The following SLC6A13 variants were observed in gnomAD, a reference collection of about 807,000 sequenced individuals.
The protein encoded by SLC6A13 is sodium- and chloride-dependent GABA transporter 2.
A neutral mutation model predicts 72.9 loss-of-function variants in SLC6A13; 69 were observed. The observed-to-expected ratio is 0.95, with a 90% confidence interval of 0.78 to 1.16. The LOEUF (loss-of-function observed/expected upper bound fraction) is 1.16, where lower values mean the gene tolerates loss of function less well. Among genes scored for constraint, SLC6A13 ranks in the 50% most tolerant of loss-of-function variants. The probability of loss-of-function intolerance (pLI) is 0.00; values close to 1 mark genes in which losing one functional copy is unlikely to be tolerated. For synonymous variants in SLC6A13, 303 were observed against 303.0 expected (o/e 1.00, Z 0.00); for missense variants, 735 against 760.5 (o/e 0.97, Z 0.39).
intron 7 of SLC6A13, among the ~76,000 whole-genome samples, chr12:229,477 T>A (rs74870301): frequency 0.018 from 2,761 of 152,314 alleles, 102 homozygotes; most frequent in South Asian, 0.17. Flanking sequence ...TTCTATCTCA[T>A]TCCTGCTTCA....
At chr12:242,500 C>T (rs1029287335) in intron 4 of SLC6A13, 114 bp downstream of exon 4, 6 of 834,760 alleles carry the variant, frequency 7.2e-6, no homozygotes, top group African/African-American at 1.7e-5. Flanking sequence ...TCTCCATGGT[C>T]GACTTGGGTG....
At position 223,146 on chromosome 12, in the gene SLC6A13, A is replaced by G; in HGVS notation, c.1400T>C (p.Val467Ala). Residue 467 changes from valine (V) to alanine (A), a missense_variant, in exon 12 of 15, where the codon GTG (valine) becomes GCG (alanine). Val to Ala is a moderately conservative substitution (Grantham distance 64, BLOSUM62 0). Transcript: ENST00000343164. ...LFVAIFESLC[V>A]AWVYGAKRFY... Reference sequence around the variant, plus strand: ...GAGTCACTCACCGTAAACCCAAGCCACACAGAGGGACTCGAAGATGGCCAC... The same window carrying G: ...GAGTCACTCACCGTAAACCCAAGCCGCACAGAGGGACTCGAAGATGGCCAC... 6.2e-7 allele frequency: 1 copy of G among 1,612,284 alleles called. No homozygotes were observed. Among genetic ancestry groups the G allele is most frequent in the Non-Finnish European group, 8.5e-7 (1 of 1,178,278 alleles).
At chr12:223,301 C>T in intron 11 of SLC6A13, 67 bp from the exon 12 acceptor site, 1 of 992,690 alleles carries the variant, frequency 1.0e-6, no homozygotes, top group Non-Finnish European at 1.5e-6. Flanking sequence ...CACTCCTATG[C>T]CCTTTAGCTT....
At chr12:230,602 G>A (rs1941669448) in intron 7 of SLC6A13, among the ~76,000 whole-genome samples, 1 of 152,094 alleles carries the variant, frequency 6.6e-6, no homozygotes, top group Non-Finnish European at 1.5e-5. Flanking sequence ...ATAATAAAAA[G>A]CAGCTCTTAA....
chr12:242,758 C>T lies in SLC6A13; in HGVS notation c.338-4G>A, dbSNP rs780217461. The T allele has an allele frequency of 4.9e-5, 77 of 1,574,944 alleles. No individual in the cohort carries two copies. The highest frequency in any genetic ancestry group is 1.5e-4 in the South Asian group (13 of 86,070). On this transcript the variant is annotated splice_region_variant and splice_polypyrimidine_tract_variant and intron_variant, in intron 3 of 14. Coordinates refer to ENST00000343164, the MANE Select transcript of SLC6A13 (RefSeq NM_016615.5). ...ATCTGGGAGGCATAGCCAATGCCTGCGGGGAAACTGCAGAATTGGGCTAGG... is the reference window on the plus strand; with the variant it reads ...ATCTGGGAGGCATAGCCAATGCCTGTGGGGAAACTGCAGAATTGGGCTAGG...
chr12:242,574 G>C (rs770981676), intron 4 of SLC6A13, 40 bp downstream of exon 4: 2 of 1,593,190 alleles, frequency 1.3e-6, no homozygotes, highest in Non-Finnish European at 1.7e-6. Context: ...TAATGTGGCA[G>C]AACGAGAGGA....
intron 7 of SLC6A13, among the ~76,000 whole-genome samples, chr12:231,600 C>G (rs1463446513): frequency 1.3e-5 from 2 of 152,198 alleles, no homozygotes; most frequent in Non-Finnish European, 2.9e-5. Context: ...CATCCCCCTC[C>G]CCACAGCCCC....
rs1190970285 is a variant in SLC6A13 at position 221,506 on chromosome 12, G to T, written c.1556C>A (p.Thr519Asn). The T allele has an allele frequency of 6.2e-7, 1 of 1,612,554 alleles. No homozygotes were observed. The highest frequency in any genetic ancestry group is 2.2e-5 in the East Asian group (1 of 44,836). ...LFSLIKYTPL[T>N]YNKKYTYPWW... The stretch of plus-strand genomic sequence containing the variant: ...CGGGTACGTGTACTTCTTGTTGTAG[G>T]TCAGCGGAGTGTACTTTATCAGGGA... The change falls in exon 14 of 15, where the codon ACC (threonine) becomes AAC (asparagine). Residue 519 changes from threonine to asparagine, a missense_variant. Coordinates refer to ENST00000343164, the MANE Select transcript of SLC6A13 (RefSeq NM_016615.5).
At chr12:240,975 G>C (rs183204145) in intron 4 of SLC6A13, among the ~76,000 whole-genome samples, 11 of 152,318 alleles carry the variant, frequency 7.2e-5, no homozygotes, top group Admixed American at 1.3e-4. Context: ...GGCAAGTAAA[G>C]GATTCAAACT....
chr12:257,470 T>A (rs1295828528), intron 2 of SLC6A13, among the ~76,000 whole-genome samples: 1 of 152,056 alleles, frequency 6.6e-6, no homozygotes, highest in East Asian at 1.9e-4. Flanking sequence ...GTAGGTAGTG[T>A]AAGGGTTAAA....
At position 227,469 on chromosome 12, in the gene SLC6A13, G is replaced by A. The variant is rs999257212; in HGVS notation, c.935+96C>T. The A allele has an allele frequency of 3.8e-6, 6 of 1,566,880 alleles. No homozygotes were observed. In the East Asian group the frequency reaches 1.2e-4, roughly 31 times the overall value. ...GGTGTAGACAGGGGGGCAGATCCAG[G>A]AGCTGATGCACCCTCCAACTCACCC... On this transcript the variant is annotated intron_variant, in intron 8 of 14. Coordinates refer to ENST00000343164, the MANE Select transcript of SLC6A13 (RefSeq NM_016615.5).
At chr12:262,546 C>T (rs937539641) in intron 1 of SLC6A13, 3 of 218,438 alleles carry the variant, frequency 1.4e-5, no homozygotes, top group Non-Finnish European at 1.6e-5. Context: ...ATCCAGTTGT[C>T]TTTCCTCTCA....
rs114094357 is a variant in SLC6A13, at chr12:242,577, C to T, written c.478+37G>A. 15,216 of 1,593,672 alleles carry T rather than the reference C, an allele frequency of 9.5e-3. 357 individuals carry two copies. The highest frequency in any genetic ancestry group is 0.094 in the African/African-American group (7,022 of 74,538). On this transcript the variant is annotated intron_variant, in intron 4 of 14. Transcript: ENST00000343164. ...CCCAATTCCGGTTAATGTGGCAGAA[C>T]GAGAGGAGGAAGTGGACCCTTGGGT...
Position 220,871 on chromosome 12 carries a change from T to C in SLC6A13, c.*77A>G. On this transcript the variant is annotated 3_prime_UTR_variant, in exon 15 of 15. Coordinates refer to ENST00000343164, the MANE Select transcript of SLC6A13 (RefSeq NM_016615.5). ...TCCAGGTCGGGGGCAGGGAAGCACA[T>C]GGGGCTGCTTCTGCCACGTTCCCTC... 1.9e-6 allele frequency: 3 copies of C among 1,570,770 alleles called. No homozygotes were observed. Among genetic ancestry groups the C allele is most frequent in the South Asian group, 2.3e-5 (2 of 88,646 alleles).
At chr12:237,344 T>G in intron 5 of SLC6A13, 54 bp from the exon 6 acceptor site, 1 of 1,601,752 alleles carries the variant, frequency 6.2e-7, no homozygotes, top group Non-Finnish European at 8.5e-7. Flanking sequence ...CTCAGTTTTG[T>G]GGCCCCGTCC....
chr12:226,693 T>C, intron 8 of SLC6A13, 179 bp from the exon 9 acceptor site: 1 of 639,794 alleles, frequency 1.6e-6, no homozygotes, highest in Non-Finnish European at 2.5e-6. Flanking sequence ...CTGGCTCTCC[T>C]CCGACACTCC....
intron 10 of SLC6A13, 38 bp downstream of exon 10, chr12:224,363 A>ACTC: frequency 6.5e-7 from 1 of 1,543,842 alleles, no homozygotes; most frequent in Non-Finnish European, 9.0e-7. Context: ...ACACCCCCCC[A>ACTC]CTCATCTCTC....
intron 2 of SLC6A13, among the ~76,000 whole-genome samples, chr12:251,078 C>A (rs762034749): frequency 6.6e-6 from 1 of 151,774 alleles, no homozygotes; most frequent in Non-Finnish European, 1.5e-5. Flanking sequence ...ATTGCGTGAA[C>A]CCGGGAGGCG....
In SLC6A13 at chr12:235,292, C is replaced by A; in HGVS notation, c.697-68G>T. The A allele has an allele frequency of 8.4e-6, 13 of 1,543,694 alleles. No individual in the cohort carries two copies. The South Asian group carries it at 1.3e-4, about 16-fold the overall frequency. On this transcript the variant is annotated intron_variant, in intron 6 of 14. Coordinates refer to ENST00000343164, the MANE Select transcript of SLC6A13 (RefSeq NM_016615.5). ...AAGCAGCAGGGGCAGGAGGCAGGGG[C>A]AGGAGGCAGGGGCAAGAGCTCCTCA...
Sources: allele counts gnomAD v4.1 joint callset (sites outside exome capture counted in the v4.1 genomes callset), GRCh38; gene constraint gnomAD v4.1.1; transcripts MANE v1.5; gene names NCBI Gene and HGNC (gene_info 2026-07-23, HGNC 2026-07-21).